MAP3K5: variants seen among roughly 807,000 people sequenced by gnomAD.
MAP3K5 encodes the protein ASK-1.
MAP3K5 carries 56 observed loss-of-function variants against 158.7 expected under a neutral mutation model. The observed-to-expected ratio is 0.35, with a 90% CI of 0.28 to 0.44. MAP3K5 has a LOEUF of 0.44. MAP3K5 is among the 20% of genes least tolerant of loss of function. The pLI, the probability that MAP3K5 is intolerant of heterozygous loss-of-function variation, is 1.00. For synonymous variants in MAP3K5, 579 were observed against 601.7 expected (o/e 0.96, Z 0.55); for missense variants, 1,294 against 1,674.8 (o/e 0.77, Z 3.97).
chr6:136,683,036 C>A (rs977521444), intron 7 of MAP3K5, among the ~76,000 whole-genome samples: 1 of 152,048 alleles, frequency 6.6e-6, no homozygotes, highest in African/African-American at 2.4e-5. Context: ...TAAAGACATA[C>A]AAAATGGCGG....
At chr6:136,748,835 C>G (rs954284454) in intron 1 of MAP3K5, among the ~76,000 whole-genome samples, 1 of 152,220 alleles carries the variant, frequency 6.6e-6, no homozygotes, top group Non-Finnish European at 1.5e-5. Context: ...GTAGCTTTAA[C>G]TAGATTAACA....
intron 25 of MAP3K5, among the ~76,000 whole-genome samples, chr6:136,571,902 T>C (rs1305835040): frequency 3.3e-5 from 5 of 152,216 alleles, no homozygotes; most frequent in African/African-American, 7.2e-5. Flanking sequence ...AATTTCTCCA[T>C]GTCCTCATGC....
At chr6:136,714,980 G>T (rs1490531166) in intron 2 of MAP3K5, among the ~76,000 whole-genome samples, 1 of 152,048 alleles carries the variant, frequency 6.6e-6, no homozygotes, top group Non-Finnish European at 1.5e-5. Flanking sequence ...TAGACAGGTT[G>T]CCACAGAGAA....
chr6:136,687,787 G>T (rs375306028), intron 7 of MAP3K5, among the ~76,000 whole-genome samples: 1 of 152,118 alleles, frequency 6.6e-6, no homozygotes, highest in South Asian at 2.1e-4. Flanking sequence ...GCTGGAGAAG[G>T]TGTGGAGAAA....
rs762428983 is a variant in MAP3K5 at position 136,720,494 on chromosome 6, T to A, written c.544A>T (p.Ile182Phe). The A allele has an allele frequency of 6.2e-7, 1 of 1,613,276 alleles. No individual in the cohort carries two copies. Among genetic ancestry groups the A allele is most frequent in the Non-Finnish European group, 8.5e-7 (1 of 1,179,630 alleles). The change falls in exon 2 of 30, where the codon ATC (isoleucine) becomes TTC (phenylalanine). Residue 182 changes from isoleucine (I) to phenylalanine (F), a missense_variant. By Grantham distance (21) the Ile-to-Phe change is conservative. This residue lies in a region of MAP3K5 where 690 missense variants were observed against 870.5 expected (regional missense o/e 0.79). Coordinates refer to ENST00000359015, the MANE Select transcript of MAP3K5 (RefSeq NM_005923.4). ...RESFSMANNI[I>F]LYCDTNSDSL... ...TCCGAGTTAGTATCACAGTAGAGGA[T>A]GATGTTGTTGGCCATGCTGAAACTT... is the stretch of plus-strand genomic sequence containing the variant.
chr6:136,646,193 A>G (rs530289241), intron 11 of MAP3K5, among the ~76,000 whole-genome samples: 1 of 152,288 alleles, frequency 6.6e-6, no homozygotes, highest in African/African-American at 2.4e-5. Flanking sequence ...GAACAAGGAG[A>G]ATTTTTTAGC....
intron 15 of MAP3K5, among the ~76,000 whole-genome samples, chr6:136,621,180 C>T (rs375066947): frequency 4.6e-5 from 7 of 151,702 alleles, no homozygotes; most frequent in East Asian, 3.9e-4. Flanking sequence ...TGATATATTC[C>T]GAAACTCAGA....
At chr6:136,582,944 C>T (rs902000100) in intron 24 of MAP3K5, among the ~76,000 whole-genome samples, 1 of 152,118 alleles carries the variant, frequency 6.6e-6, no homozygotes, top group Admixed American at 6.6e-5. Context: ...GTTTGTGTTG[C>T]ATAGCAACTC....
At chr6:136,725,003 C>T (rs1781907038) in intron 1 of MAP3K5, among the ~76,000 whole-genome samples, 1 of 152,172 alleles carries the variant, frequency 6.6e-6, no homozygotes, top group South Asian at 2.1e-4. Flanking sequence ...TTTTACCTTT[C>T]CCAGAATGTC....
chr6:136,690,673 A>G (rs1446686970), intron 7 of MAP3K5, among the ~76,000 whole-genome samples: 1 of 152,094 alleles, frequency 6.6e-6, no homozygotes, highest in African/African-American at 2.4e-5. Flanking sequence ...TCTTTTTCTT[A>G]AAGATATTTT....
At chr6:136,671,781 T>C (rs904983836) in intron 7 of MAP3K5, among the ~76,000 whole-genome samples, 1 of 151,622 alleles carries the variant, frequency 6.6e-6, no homozygotes, top group Admixed American at 6.6e-5. Flanking sequence ...GCCCGAATAA[T>C]TTTTTTGTAT....
chr6:136,653,487 A>G (rs986604204), intron 10 of MAP3K5, among the ~76,000 whole-genome samples: 22 of 152,222 alleles, frequency 1.4e-4, no homozygotes, highest in African/African-American at 5.1e-4. Context: ...GGAAGATGCT[A>G]TGCTAAGGAC....
chr6:136,744,380 C>CATATATAT (rs146711750), intron 1 of MAP3K5, among the ~76,000 whole-genome samples: 1 of 151,428 alleles, frequency 6.6e-6, no homozygotes, highest in African/African-American at 2.4e-5. Flanking sequence ...TACATATATA[C>CATATATAT]ATATATATAT....
chr6:136,759,483 A>ATATATATATATATATATAT (rs1562681271), intron 1 of MAP3K5, among the ~76,000 whole-genome samples: 3 of 56,174 alleles, frequency 5.3e-5, no homozygotes, highest in Middle Eastern at 0.012. Flanking sequence ...TATATATATA[A>ATATATATATATATATATAT]AGTTTGAGAC....
intron 14 of MAP3K5, among the ~76,000 whole-genome samples, chr6:136,628,909 G>T (rs1777174552): frequency 6.6e-6 from 1 of 152,284 alleles, no homozygotes; most frequent in African/African-American, 2.4e-5. Flanking sequence ...CAGCCTAGAA[G>T]GACAGAGAAT....
chr6:136,584,634 T>C (rs529864374), intron 23 of MAP3K5: 1 of 152,282 alleles, frequency 6.6e-6, no homozygotes, highest in South Asian at 2.1e-4. Context: ...CACATGGGAA[T>C]TGTGGGAGTT....
At chr6:136,654,842 C>T (rs1167966361) in intron 10 of MAP3K5, among the ~76,000 whole-genome samples, 1 of 151,772 alleles carries the variant, frequency 6.6e-6, no homozygotes, top group East Asian at 1.9e-4. Context: ...TTTCTCCCTG[C>T]CTAGCAGTTC....
chr6:136,725,005 C>T (rs1310543573), intron 1 of MAP3K5, among the ~76,000 whole-genome samples: 2 of 152,148 alleles, frequency 1.3e-5, no homozygotes, highest in Non-Finnish European at 2.9e-5. Context: ...TTACCTTTCC[C>T]AGAATGTCAT....
At chr6:136,725,433 T>G (rs536931838) in intron 1 of MAP3K5, among the ~76,000 whole-genome samples, 3 of 152,342 alleles carry the variant, frequency 2.0e-5, no homozygotes, top group Admixed American at 2.0e-4. Context: ...ATGGTTTTAA[T>G]TTGTATTTCC....
Sources: gnomAD v4.1 joint callset for allele counts (sites outside exome capture counted in the v4.1 genomes callset) on GRCh38, gnomAD v4.1.1 for gene constraint, gnomAD v4.1.1 regional missense constraint, MANE v1.5 for transcripts, NCBI Gene and HGNC (gene_info 2026-07-23, HGNC 2026-07-21) for gene names.